The following ANK2 variants were observed in gnomAD, a reference collection of about 807,000 sequenced individuals.
ANK2 encodes the protein ankyrin-2.
A neutral mutation model predicts 360.5 loss-of-function variants in ANK2; 83 were observed. That is an observed-to-expected ratio of 0.23 (90% CI 0.19 to 0.28). ANK2 has a LOEUF of 0.28. Ranked by LOEUF, ANK2 falls within the 10% of genes least tolerant of loss-of-function variation. The pLI is 1.00. For synonymous variants in ANK2, 1,740 were observed against 1,759.5 expected, an observed-to-expected ratio of 0.99 and a Z score of 0.28; for missense variants, 4,201 against 4,795.7, an observed-to-expected ratio of 0.88 and a Z score of 3.66.
chr4:112,822,897 G>A (rs929044417), intron 1 of ANK2, among the ~76,000 whole-genome samples: 1 of 151,760 alleles, frequency 6.6e-6, no homozygotes, highest in Non-Finnish European at 1.5e-5. Flanking sequence ...TTCATTGATA[G>A]AACAAATATA....
chr4:113,115,493 C>A (rs1215018989), intron 1 of ANK2, among the ~76,000 whole-genome samples: 1 of 152,120 alleles, frequency 6.6e-6, no homozygotes, highest in Non-Finnish European at 1.5e-5. Flanking sequence ...ATGGTGATTA[C>A]TGTTTTCTTT....
At chr4:112,712,147 G>A in the ANK2 span, among the ~76,000 whole-genome samples, 1 of 148,876 alleles carries the variant, frequency 6.7e-6, no homozygotes, top group Non-Finnish European at 1.5e-5. Flanking sequence ...CAGTGGTGCA[G>A]TCTCGGCTCA....
chr4:112,910,820 G>C (rs2086903554), intron 2 of ANK2, among the ~76,000 whole-genome samples: 1 of 152,178 alleles, frequency 6.6e-6, no homozygotes, highest in Non-Finnish European at 1.5e-5. Context: ...TTAAAAAAAT[G>C]TTGAAAGAGA....
chr4:112,827,345 T>A, intron 1 of ANK2: 6 of 1,279,198 alleles, frequency 4.7e-6, no homozygotes, highest in Non-Finnish European at 5.7e-6. Flanking sequence ...TTACAGCAAC[T>A]GGAACTTGAA....
chr4:112,935,670 C>A (rs1581463936), intron 2 of ANK2, among the ~76,000 whole-genome samples: 1 of 151,964 alleles, frequency 6.6e-6, no homozygotes, highest in South Asian at 2.1e-4. Context: ...GGCAAAACCC[C>A]GTCTTTATAA....
chr4:112,881,585 G>A (rs2076706035), intron 1 of ANK2: 5 of 286,906 alleles, frequency 1.7e-5, no homozygotes, highest in Non-Finnish European at 3.2e-5. Flanking sequence ...ATTACATTTA[G>A]CAATCAACAG....
chr4:113,241,643 A>T (rs1029631028), intron 8 of ANK2, among the ~76,000 whole-genome samples: 1 of 152,200 alleles, frequency 6.6e-6, no homozygotes, highest in African/African-American at 2.4e-5. Flanking sequence ...CCCAACTTGA[A>T]GGAGATGTTT....
At chr4:113,280,874 C>G (rs1222975119) in intron 17 of ANK2, among the ~76,000 whole-genome samples, 1 of 152,110 alleles carries the variant, frequency 6.6e-6, no homozygotes, top group Non-Finnish European at 1.5e-5. Context: ...AGTGGGGTAA[C>G]TAAGACTAAA....
chr4:112,926,031 GT>G (rs2092500523), intron 2 of ANK2, among the ~76,000 whole-genome samples: 1 of 152,224 alleles, frequency 6.6e-6, no homozygotes, highest in Non-Finnish European at 1.5e-5. Context: ...TTGGGCTGAA[GT>G]GGGGGGAACC....
intron 23 of ANK2, among the ~76,000 whole-genome samples, chr4:113,308,109 G>A (rs943652489): frequency 2.6e-5 from 4 of 152,304 alleles, no homozygotes; most frequent in Middle Eastern, 3.4e-3. Flanking sequence ...AAAAGAAAGT[G>A]TATAATGATT....
chr4:113,160,807 C>T (rs2097507872), intron 1 of ANK2, among the ~76,000 whole-genome samples: 1 of 152,190 alleles, frequency 6.6e-6, no homozygotes, highest in South Asian at 2.1e-4. Flanking sequence ...ATGCTTCTGA[C>T]TCATTGTCAA....
chr4:112,958,607 TGGGGAGAGGGAGAGG>T (rs1265268938), intron 2 of ANK2, among the ~76,000 whole-genome samples: 11 of 148,332 alleles, frequency 7.4e-5, no homozygotes, highest in Middle Eastern at 3.4e-3. Flanking sequence ...AGGGAGACCG[TGGGGAGAGGGAGAGG>T]GGGGAGAGGG....
the ANK2 span, among the ~76,000 whole-genome samples, chr4:112,725,990 C>G: frequency 6.6e-6 from 1 of 152,102 alleles, no homozygotes; most frequent in African/African-American, 2.4e-5. Context: ...AGTAGGTGCA[C>G]AGAGCACTTG....
rs540358118 is a variant in ANK2, at chr4:113,161,324, GT to G, written c.85-13084del. On this transcript the variant is annotated intron_variant, in intron 1 of 45. Coordinates refer to ENST00000357077, the MANE Select transcript of ANK2 (RefSeq NM_001148.6). The stretch of plus-strand genomic sequence containing the variant: ...AGAAGAATTTTGCAATATAAGCTAA[GT>G]TTTTTTTAAAAGGCAGTGCAAGCTA... Among the ~76,000 whole-genome samples, 1,367 of 152,096 alleles carry G rather than the reference GT, an allele frequency of 9.0e-3. 17 individuals are homozygous for G. The highest frequency in any genetic ancestry group is 0.031 in the African/African-American group (1,281 of 41,494).
intron 1 of ANK2, chr4:113,149,215 T>TA (rs1378278521): frequency 6.6e-6 from 1 of 152,186 alleles, no homozygotes; most frequent in Non-Finnish European, 1.5e-5. Context: ...GGTGAGATTG[T>TA]AATCAGATTG....
the ANK2 span, among the ~76,000 whole-genome samples, chr4:112,803,128 C>T: frequency 6.6e-6 from 1 of 152,148 alleles, no homozygotes; most frequent in African/African-American, 2.4e-5. Flanking sequence ...CAAGTTTCTC[C>T]AGTATTCCCT....
chr4:113,057,509 A>G (rs1056856178), intron 1 of ANK2, among the ~76,000 whole-genome samples: 1 of 152,166 alleles, frequency 6.6e-6, no homozygotes, highest in Non-Finnish European at 1.5e-5. Context: ...GGACTCTGAC[A>G]TGGTTGTCCT....
chr4:112,765,138 G>A, the ANK2 span, among the ~76,000 whole-genome samples: 880 of 152,284 alleles, frequency 5.8e-3, 6 homozygotes, highest in African/African-American at 0.02. Context: ...TGTTCATGCT[G>A]AATATACCTC....
At chr4:112,991,431 G>T (rs1009645823) in intron 2 of ANK2, among the ~76,000 whole-genome samples, 1 of 151,990 alleles carries the variant, frequency 6.6e-6, no homozygotes, top group African/African-American at 2.4e-5. Flanking sequence ...TTAAAACCCA[G>T]AAATTTATTT....
Sources: gnomAD v4.1 joint callset for allele counts (sites outside exome capture counted in the v4.1 genomes callset) on GRCh38, gnomAD v4.1.1 for gene constraint, MANE v1.5 for transcripts, NCBI Gene and HGNC (gene_info 2026-07-23, HGNC 2026-07-21) for gene names.